Variants in DMD observed in about 807,000 individuals in gnomAD.
The protein encoded by DMD is dystrophin.
Under a neutral mutation model 330.1 loss-of-function variants are expected in DMD, and 63 were observed. That is an observed-to-expected ratio of 0.19 (90% CI 0.16 to 0.24). The LOEUF (loss-of-function observed/expected upper bound fraction) is 0.24. Among genes scored for constraint, DMD ranks in the 10% least tolerant of loss-of-function variants. The probability of loss-of-function intolerance (pLI) is 1.00; values close to 1 mark genes in which losing one functional copy is unlikely to be tolerated. For synonymous variants in DMD, 1,223 were observed against 959.8 expected (o/e 1.27, Z -5.07); for missense variants, 3,344 against 2,684.1 (o/e 1.25, Z -5.43).
At chrX:33,201,386 T>C (rs947665152) in intron 1 of DMD, among the ~76,000 whole-genome samples, 1 of 111,773 alleles carries the variant, frequency 8.9e-6, no homozygotes, top group African/African-American at 3.2e-5. Flanking sequence ...ATTCATTACC[T>C]CTTTATGAGA....
At chrX:31,943,878 TGAGAGAGAGAGAGAGAGAGA>T (rs536982335) in intron 45 of DMD, among the ~76,000 whole-genome samples, 1,056 of 74,476 alleles carry the variant, frequency 0.014, 14 homozygotes, top group African/African-American at 0.043. Context: ...CCCCAGAGAG[TGAGAGAGAGAGAGAGAGAGA>T]GAGAGAGAGA....
At chrX:32,066,730 C>T (rs931037682) in intron 44 of DMD, among the ~76,000 whole-genome samples, 5 of 111,345 alleles carry the variant, frequency 4.5e-5, no homozygotes, top group Non-Finnish European at 7.6e-5. Flanking sequence ...AACACACTTA[C>T]GAAATAAATA....
chrX:31,861,430 T>C (rs1450424814), intron 48 of DMD, among the ~76,000 whole-genome samples: 1 of 110,208 alleles, frequency 9.1e-6, no homozygotes, highest in African/African-American at 3.3e-5. Context: ...TAGGAATTTA[T>C]CACATAGATA....
rs143706379 is a variant in DMD, at chrX:31,348,002, C to A, written c.9163+554G>T. Among the ~76,000 whole-genome samples, 679 of 111,504 alleles carry A rather than the reference C, an allele frequency of 6.1e-3. 12 individuals carry two copies. Among genetic ancestry groups the A allele is most frequent in the African/African-American group, 0.021 (655 of 30,699 alleles). ...GAGCATTTTTTCATATACCTGTTGG[C>A]CATTTGTATGCCTTCTTTTGAGAAT... On this transcript the variant is annotated intron_variant, in intron 61 of 78. Coordinates refer to ENST00000357033, the MANE Select transcript of DMD (RefSeq NM_004006.3).
intron 19 of DMD, among the ~76,000 whole-genome samples, chrX:32,496,251 A>C (rs954245558): frequency 3.6e-5 from 4 of 111,970 alleles, no homozygotes; most frequent in African/African-American, 1.3e-4. Context: ...TTAAAAGAAT[A>C]TTTGGAATAG....
Position 31,392,597 on chromosome X carries a change from C to T in DMD, c.9085-43963G>A, listed in dbSNP as rs1028893854. Among the ~76,000 whole-genome samples, 6 of 111,673 alleles carry T rather than the reference C, an allele frequency of 5.4e-5. No individual in the cohort carries two copies. The East Asian group carries it at 8.4e-4, about 16-fold the overall frequency. On this transcript the variant is annotated intron_variant, in intron 60 of 78. Transcript: ENST00000357033. ...TGGCTTCCCATTTATATGACTGAAG[C>T]GCGAACTGTGTCTATATGTGTATGC...
intron 42 of DMD, among the ~76,000 whole-genome samples, chrX:32,306,587 T>A (rs946508719): frequency 1.8e-5 from 2 of 111,738 alleles, no homozygotes; most frequent in African/African-American, 6.5e-5. Flanking sequence ...TTGGTTTTGA[T>A]GAGACAACTG....
At chrX:32,917,308 C>T (rs2087913896) in intron 2 of DMD, among the ~76,000 whole-genome samples, 1 of 111,042 alleles carries the variant, frequency 9.0e-6, no homozygotes, top group Non-Finnish European at 1.9e-5. Flanking sequence ...ATAAATCACC[C>T]AGTCTCAGGT....
intron 44 of DMD, among the ~76,000 whole-genome samples, chrX:32,087,876 A>G (rs1414228293): frequency 8.9e-6 from 1 of 112,488 alleles, no homozygotes; most frequent in East Asian, 2.8e-4. Flanking sequence ...TGCTACATCT[A>G]GACAATGACT....
chrX:33,009,472 GTATGTGTATACACATGTGTGTATATGTA>G (rs2093560665), intron 2 of DMD, among the ~76,000 whole-genome samples: 1 of 60,512 alleles, frequency 1.7e-5, no homozygotes, highest in Non-Finnish European at 3.0e-5. Context: ...ACATATGTGT[GTATGTGTATACACATGTGTGTATATGTA>G]TATGTGTATA....
At chrX:31,514,657 A>G (rs1277226074) in intron 55 of DMD, among the ~76,000 whole-genome samples, 1 of 112,594 alleles carries the variant, frequency 8.9e-6, no homozygotes, top group Non-Finnish European at 1.9e-5. Flanking sequence ...AATAGCGTCT[A>G]GAACACAAGA....
chrX:31,893,538 T>A (rs2048465722), intron 47 of DMD, among the ~76,000 whole-genome samples: 2 of 107,644 alleles, frequency 1.9e-5, no homozygotes, highest in Non-Finnish European at 1.9e-5. Flanking sequence ...AAGGAAGAGC[T>A]GTACTTGAAT....
chrX:32,428,648 C>T (rs1007124443), intron 29 of DMD, among the ~76,000 whole-genome samples: 8 of 111,514 alleles, frequency 7.2e-5, no homozygotes, highest in African/African-American at 2.0e-4. Context: ...AGTCTCACTC[C>T]GTAACCCAGG....
At chrX:32,553,541 A>T (rs1444808592) in intron 16 of DMD, among the ~76,000 whole-genome samples, 1 of 111,169 alleles carries the variant, frequency 9.0e-6, no homozygotes, top group Non-Finnish European at 1.9e-5. Context: ...ACAAACCACC[A>T]CATGTACCTC....
At chrX:31,897,164 C>T (rs1218629929) in intron 47 of DMD, among the ~76,000 whole-genome samples, 13 of 108,742 alleles carry the variant, frequency 1.2e-4, no homozygotes, top group African/African-American at 2.7e-4. Context: ...TGAGTGAGAA[C>T]ATGCGGTGTT....
chrX:32,815,177 G>A (rs1439156338), intron 6 of DMD, among the ~76,000 whole-genome samples: 1 of 110,092 alleles, frequency 9.1e-6, no homozygotes, highest in Admixed American at 9.8e-5. Flanking sequence ...AATCCAGCTG[G>A]AGCAAGACAC....
intron 17 of DMD, among the ~76,000 whole-genome samples, chrX:32,532,783 G>T (rs1348692716): frequency 8.9e-6 from 1 of 111,833 alleles, no homozygotes; most frequent in Admixed American, 9.5e-5. Context: ...TAAAGTAAAA[G>T]CCACAATTGG....
At chrX:32,860,645 C>T (rs1416401834) in intron 2 of DMD, among the ~76,000 whole-genome samples, 1 of 110,298 alleles carries the variant, frequency 9.1e-6, no homozygotes, top group Non-Finnish European at 1.9e-5. Flanking sequence ...TATTCTGTTG[C>T]GGAATAATAT....
chrX:32,323,733 T>C (rs957887922), intron 41 of DMD, among the ~76,000 whole-genome samples: 1 of 111,196 alleles, frequency 9.0e-6, no homozygotes, highest in Non-Finnish European at 1.9e-5. Flanking sequence ...CGGGAAGAGA[T>C]GCAGTAGAGT....
Sources: allele counts gnomAD v4.1 joint callset (sites outside exome capture counted in the v4.1 genomes callset), GRCh38; gene constraint gnomAD v4.1.1; transcripts MANE v1.5; gene names NCBI Gene and HGNC (gene_info 2026-07-23, HGNC 2026-07-21).